Variants in GRIK3 observed in about 807,000 individuals in gnomAD.
The protein encoded by GRIK3 is glutamate receptor ionotropic, kainate 3.
In GRIK3, 29 loss-of-function variants were observed where a neutral mutation model predicts 102.5. The ratio of observed to expected loss-of-function variants is 0.28; its 90% confidence interval spans 0.21 to 0.39. The LOEUF (loss-of-function observed/expected upper bound fraction) is 0.39, where lower values mean the gene tolerates loss of function less well. Ranked by LOEUF, GRIK3 falls within the 10% of genes least tolerant of loss-of-function variation. GRIK3 has a pLI of 1.00. For missense variants in GRIK3, 908 were observed against 1,252.4 expected (o/e 0.73, Z 4.15); for synonymous variants, 511 against 504.9 (o/e 1.01, Z -0.16).
intron 5 of GRIK3, among the ~76,000 whole-genome samples, chr1:36,864,872 A>G (rs569011292): frequency 1.3e-5 from 2 of 150,934 alleles, no homozygotes; most frequent in East Asian, 3.9e-4. Flanking sequence ...CAGACTGCCC[A>G]GGGCCAAGAC....
At chr1:36,818,966 G>A (rs1029220636) in intron 12 of GRIK3, among the ~76,000 whole-genome samples, 3 of 152,158 alleles carry the variant, frequency 2.0e-5, no homozygotes, top group South Asian at 4.1e-4. Context: ...CAGGACCAGG[G>A]GGCGGTGTCC....
chr1:37,029,569 C>T (rs1199514528), intron 1 of GRIK3, among the ~76,000 whole-genome samples: 3 of 152,220 alleles, frequency 2.0e-5, no homozygotes, highest in African/African-American at 7.2e-5. Flanking sequence ...GCTAAAAGAA[C>T]CCCCTTCACC....
chr1:36,829,270 C>T (rs1176551633), intron 10 of GRIK3, among the ~76,000 whole-genome samples: 1 of 152,230 alleles, frequency 6.6e-6, no homozygotes, highest in Non-Finnish European at 1.5e-5. Flanking sequence ...AAGGCCCAAT[C>T]TTGGCAGGCT....
intron 1 of GRIK3, among the ~76,000 whole-genome samples, chr1:36,958,809 G>A (rs1641960084): frequency 8.0e-6 from 1 of 124,684 alleles, no homozygotes; most frequent in African/African-American, 2.8e-5. Flanking sequence ...TGTGTCCCGT[G>A]AGCCTGTGTG....
chr1:36,836,013 C>T (rs191984276), intron 10 of GRIK3, among the ~76,000 whole-genome samples: 1 of 152,332 alleles, frequency 6.6e-6, no homozygotes, highest in African/African-American at 2.4e-5. Context: ...GCTGCTCCAA[C>T]AGGAGTCCAG....
intron 1 of GRIK3, among the ~76,000 whole-genome samples, chr1:36,940,202 C>T (rs915952613): frequency 9.2e-5 from 14 of 152,342 alleles, no homozygotes; most frequent in African/African-American, 3.4e-4. Flanking sequence ...ACAGGACTTG[C>T]CCGAGCAGAA....
chr1:36,880,615 G>T lies in GRIK3; in HGVS notation c.550+19C>A. On this transcript the variant is annotated intron_variant, in intron 3 of 15. Coordinates refer to ENST00000373091, the MANE Select transcript of GRIK3 (RefSeq NM_000831.4). This position sits in a 1 kb window ranked among gnomAD's most constrained non-coding sequence, Gnocchi z 5.4. Reference sequence around the variant, plus strand: ...CCCCTCAACCGTTGCCCCCAGCCTAGCCAGGCCTGGCCACCCACCTGTACT... The same window carrying T: ...CCCCTCAACCGTTGCCCCCAGCCTATCCAGGCCTGGCCACCCACCTGTACT... 2 of 1,612,456 alleles carry T rather than the reference G, an allele frequency of 1.2e-6. No individual in the cohort carries two copies. Among genetic ancestry groups the T allele is most frequent in the South Asian group, 2.2e-5 (2 of 91,002 alleles).
intron 8 of GRIK3, 97 bp downstream of exon 8, chr1:36,853,518 T>A: frequency 1.3e-6 from 1 of 779,576 alleles, no homozygotes; most frequent in South Asian, 1.5e-5. Context: ...GGACTGTGTC[T>A]TGCCCCTTGC....
At chr1:36,849,435 A>C (rs1459343241) in intron 9 of GRIK3, among the ~76,000 whole-genome samples, 1 of 152,178 alleles carries the variant, frequency 6.6e-6, no homozygotes, top group Non-Finnish European at 1.5e-5. Context: ...GTCCTTATAA[A>C]TATATTTGCT....
chr1:36,997,764 TGGTGCCCAGG>T (rs1642435860), intron 1 of GRIK3, among the ~76,000 whole-genome samples: 1 of 151,934 alleles, frequency 6.6e-6, no homozygotes, highest in South Asian at 2.1e-4. Flanking sequence ...TAAAGCTGAG[TGGTGCCCAGG>T]GTGGTCAAGC....
At chr1:36,949,580 T>C (rs993962179) in intron 1 of GRIK3, among the ~76,000 whole-genome samples, 8 of 121,118 alleles carry the variant, frequency 6.6e-5, no homozygotes, top group East Asian at 4.1e-4. Flanking sequence ...CTTTCTTTTT[T>C]TTTTTTTTTT....
chr1:36,880,913 C>T lies in GRIK3; in HGVS notation c.293-22G>A. On this transcript the variant is annotated intron_variant, in intron 2 of 15. Coordinates refer to ENST00000373091, the MANE Select transcript of GRIK3 (RefSeq NM_000831.4). The surrounding 1 kb of genome is among the most constrained non-coding windows in gnomAD (Gnocchi z 5.4). ...CAGGCTGCAACAGAGGGTAGGGCAG[C>T]ACAGGGGTCAGCACTGGGGCTGTGG... The T allele has an allele frequency of 1.3e-6, 2 of 1,582,312 alleles. No individual in the cohort carries two copies. The highest frequency in any genetic ancestry group is 1.7e-6 in the Non-Finnish European group (2 of 1,163,428).
rs373586276 is a variant in GRIK3 at position 36,985,104 on chromosome 1, C to T, written c.115+48890G>A. 9.9e-5 allele frequency among the ~76,000 whole-genome samples: 15 copies of T among 152,004 alleles called. No homozygotes were observed. The South Asian group carries it at 2.1e-3, about 21-fold the overall frequency. On this transcript the variant is annotated intron_variant, in intron 1 of 15. Transcript: ENST00000373091. Reference sequence around the variant, plus strand: ...TCCCTACGGTGGGGGTCCAGGCATGCGGGCAAGGGCTCTCAGTTCTGGGGC... The same window carrying T: ...TCCCTACGGTGGGGGTCCAGGCATGTGGGCAAGGGCTCTCAGTTCTGGGGC...
chr1:36,903,397 G>A (rs956418436), intron 1 of GRIK3, among the ~76,000 whole-genome samples: 2 of 152,210 alleles, frequency 1.3e-5, no homozygotes, highest in African/African-American at 2.4e-5. Flanking sequence ...CAGCCACTTT[G>A]AAAGAAAAGT....
intron 12 of GRIK3, among the ~76,000 whole-genome samples, chr1:36,818,991 G>T (rs773119180): frequency 1.3e-5 from 2 of 152,172 alleles, no homozygotes; most frequent in Non-Finnish European, 2.9e-5. Context: ...CTGGCTGGTG[G>T]TCCCCTCTCC....
At chr1:36,986,496 A>T (rs1458303640) in intron 1 of GRIK3, among the ~76,000 whole-genome samples, 1 of 151,362 alleles carries the variant, frequency 6.6e-6, no homozygotes, top group Non-Finnish European at 1.5e-5. Context: ...CCATCCATCC[A>T]TCCATCCATC....
At position 36,833,585 on chromosome 1, in the gene GRIK3, G is replaced by A. The variant is rs566847601; in HGVS notation, c.1531-7759C>T. ...CCAGGCTGGGGCAATGGGATTGGGC[G>A]GAACCATCCCTGGCATTGCAGACAG... On this transcript the variant is annotated intron_variant, in intron 10 of 15. Coordinates refer to ENST00000373091, the MANE Select transcript of GRIK3 (RefSeq NM_000831.4). Among the ~76,000 whole-genome samples, 17 of 152,336 alleles carry A rather than the reference G, an allele frequency of 1.1e-4. No individual in the cohort carries two copies. In the East Asian group the frequency reaches 1.9e-3, roughly 17 times the overall value.
At chr1:36,932,945 C>T (rs1222877311) in intron 1 of GRIK3, among the ~76,000 whole-genome samples, 4 of 152,224 alleles carry the variant, frequency 2.6e-5, no homozygotes, top group African/African-American at 7.2e-5. Flanking sequence ...AACCCCAAAT[C>T]ACTGCTAACG....
At chr1:36,932,660 C>G (rs7555221) in intron 1 of GRIK3, among the ~76,000 whole-genome samples, 1 of 152,120 alleles carries the variant, frequency 6.6e-6, no homozygotes, top group Non-Finnish European at 1.5e-5. Context: ...ATTGCTATTA[C>G]TTTCCAAACT....
Sources: allele counts gnomAD v4.1 joint callset (sites outside exome capture counted in the v4.1 genomes callset), GRCh38; gene constraint gnomAD v4.1.1; non-coding constraint Gnocchi (gnomAD v3.1); transcripts MANE v1.5; gene names NCBI Gene and HGNC (gene_info 2026-07-23, HGNC 2026-07-21).